The following TMEM235 variants were observed in gnomAD, a reference collection of about 807,000 sequenced individuals.
The protein encoded by TMEM235 is claudin-27.
A neutral mutation model predicts 22.9 loss-of-function variants in TMEM235; 23 were observed. The observed-to-expected ratio is 1.00, with a 90% CI of 0.72 to 1.42. TMEM235 has a LOEUF of 1.42. TMEM235 is among the 40% of genes most tolerant of loss of function. The pLI, the probability that TMEM235 is intolerant of heterozygous loss-of-function variation, is 0.00. For missense variants in TMEM235, 308 were observed against 299.5 expected (o/e 1.03, Z -0.21); for synonymous variants, 137 against 140.5 (o/e 0.98, Z 0.17).
exon 2 of TMEM235, chr17:78,232,201 C>T: frequency 6.7e-7 from 1 of 1,482,026 alleles, no homozygotes; most frequent in South Asian, 1.3e-5. Context: ...GGGGCTCTGG[C>T]GCATCTGCGA....
exon 6 of TMEM235, chr17:78,240,267 G>T: frequency 3.3e-6 from 1 of 305,470 alleles, no homozygotes; most frequent in South Asian, 3.9e-5. Flanking sequence ...TGCCTCAAAG[G>T]GGGCCTGGCT....
chr17:78,231,342 G>T lies in TMEM235; in HGVS notation c.-593+1G>T. The stretch of plus-strand genomic sequence containing the variant: ...AAGGTTCTTTCTGCCTGTTTTCTCC[G>T]TGAGTGACTGGACAGGCAGAGGCCG... On this transcript the variant is annotated splice_donor_variant, in intron 1 of 5. Transcript: ENST00000421688. LOFTEE classifies it low-confidence loss of function (5UTR_SPLICE). 5.1e-6 allele frequency: 6 copies of T among 1,172,394 alleles called. No homozygotes were observed. The highest frequency in any genetic ancestry group is 6.6e-6 in the Non-Finnish European group (6 of 905,074). 72.6% of individuals were successfully genotyped at this position (1,172,394 alleles called of 1,614,324 possible).
rs896396122 is a variant in TMEM235, at chr17:78,238,233, C to G, written c.410-791C>G. Among the ~76,000 whole-genome samples the G allele has an allele frequency of 6.6e-6, 1 of 152,236 alleles. No individual in the cohort carries two copies. Among genetic ancestry groups the G allele is most frequent in the Admixed American group, 6.5e-5 (1 of 15,286 alleles). Reference sequence around the variant, plus strand: ...CCCCTACCTAGCTCGTTGCTGGACCCTGAACTGCCGGATGAAGCCTGGTGC... The same window carrying G: ...CCCCTACCTAGCTCGTTGCTGGACCGTGAACTGCCGGATGAAGCCTGGTGC... On this transcript the variant is annotated intron_variant, in intron 4 of 5. Coordinates refer to ENST00000421688, the Ensembl canonical transcript of TMEM235. The surrounding 1 kb of genome is among the most constrained non-coding windows in gnomAD (Gnocchi z 4.3).
intron 4 of TMEM235, among the ~76,000 whole-genome samples, chr17:78,236,329 C>T (rs1016298145): frequency 6.6e-6 from 1 of 152,228 alleles, no homozygotes; most frequent in African/African-American, 2.4e-5. Context: ...ACAGATGAGG[C>T]AGGGCCAGGC....
chr17:78,238,585 T>TGTGTGTGTGTGAGA lies in TMEM235; in HGVS notation c.410-438_410-437insTGTGTGTGTGAGAG, dbSNP rs750495355. Among the ~76,000 whole-genome samples the TGTGTGTGTGTGAGA allele has an allele frequency of 7.0e-6, 1 of 142,914 alleles. No individual in the cohort carries two copies. The highest frequency in any genetic ancestry group is 2.7e-5 in the African/African-American group (1 of 37,340). The allele number at this position is 142,914 out of a possible 152,430, so 93.8% of individuals were successfully genotyped here. ...GTGTGTGTGTGTGTGTGTGTGTGTG[T>TGTGTGTGTGTGAGA]GAATGTGTGCAAATGTGTTCGTGTA... On this transcript the variant is annotated intron_variant, in intron 4 of 5. Transcript: ENST00000421688. This position sits in a 1 kb window ranked among gnomAD's most constrained non-coding sequence, Gnocchi z 4.3.
At chr17:78,234,412 G>A (rs2076619553) in intron 3 of TMEM235, 181 bp from the exon 3 acceptor site, 3 of 926,282 alleles carry the variant, frequency 3.2e-6, no homozygotes, top group Non-Finnish European at 1.7e-6. Context: ...CTCCCCTCCT[G>A]GCCTTAGGAA....
chr17:78,231,752 G>T (rs1032769405), exon 2 of TMEM235: 19 of 1,232,300 alleles, frequency 1.5e-5, no homozygotes, highest in Non-Finnish European at 1.9e-5. Context: ...GCTGGGATTG[G>T]AGCCCAAGCC....
chr17:78,238,550 C>CTGTGTGTGTGTGTG lies in TMEM235; in HGVS notation c.410-451_410-438dup, dbSNP rs55893266. 6.3e-4 allele frequency among the ~76,000 whole-genome samples: 87 copies of CTGTGTGTGTGTGTG among 138,322 alleles called. No homozygotes were observed. Among genetic ancestry groups the CTGTGTGTGTGTGTG allele is most frequent in the Non-Finnish European group, 1.1e-3 (73 of 63,852 alleles). The allele number at this position is 138,322 out of a possible 152,430, so 90.7% of individuals were successfully genotyped here. On this transcript the variant is annotated intron_variant, in intron 4 of 5. Coordinates refer to ENST00000421688, the Ensembl canonical transcript of TMEM235. The surrounding 1 kb of genome is among the most constrained non-coding windows in gnomAD (Gnocchi z 4.3). ...GCTGCTGCCAGCAGAGGCCATGGCT[C>CTGTGTGTGTGTGTG]TGTGTGTGTGTGTGTGTGTGTGTGT...
intron 4 of TMEM235, among the ~76,000 whole-genome samples, chr17:78,235,670 C>T (rs915416075): frequency 2.1e-5 from 3 of 142,288 alleles, no homozygotes; most frequent in East Asian, 2.1e-4. Context: ...GCGCAATCTT[C>T]GCTCACTGCA....
exon 2 of TMEM235, chr17:78,231,834 G>A (rs2076583023): frequency 4.2e-6 from 5 of 1,198,376 alleles, no homozygotes; most frequent in Non-Finnish European, 4.3e-6. Flanking sequence ...GCAGAGAGGT[G>A]GGGTCGATCT....
chr17:78,233,605 G>T (rs2076608017), intron 2 of TMEM235, among the ~76,000 whole-genome samples: 1 of 151,836 alleles, frequency 6.6e-6, no homozygotes, highest in South Asian at 2.1e-4. Flanking sequence ...TGAGGCAGGA[G>T]AATGGCGCGA....
exon 5 of TMEM235, chr17:78,239,096 A>G: frequency 1.3e-6 from 2 of 1,544,310 alleles, no homozygotes; most frequent in Non-Finnish European, 1.7e-6. Context: ...ACGGTGCAGC[A>G]GTATGGCCCG....
exon 2 of TMEM235, chr17:78,231,799 TC>T: frequency 8.2e-7 from 1 of 1,215,338 alleles, no homozygotes; most frequent in Non-Finnish European, 1.1e-6. Flanking sequence ...TCCTCTCCTT[TC>T]CCCCAGGGGC....
chr17:78,236,855 G>T (rs1171698000), intron 4 of TMEM235, among the ~76,000 whole-genome samples: 1 of 151,980 alleles, frequency 6.6e-6, no homozygotes, highest in Non-Finnish European at 1.5e-5. Context: ...TTGGTCACAG[G>T]CCACATGAGA....
chr17:78,232,597 C>T (rs2076595689), intron 2 of TMEM235, among the ~76,000 whole-genome samples: 1 of 152,232 alleles, frequency 6.6e-6, no homozygotes, highest in Admixed American at 6.5e-5. Flanking sequence ...CTGTCAGGCA[C>T]TGTCAGAGCT....
rs1233220671 is a variant in TMEM235, at chr17:78,238,113, C to T, written c.410-911C>T. On this transcript the variant is annotated intron_variant, in intron 4 of 5. Transcript: ENST00000421688. The surrounding 1 kb of genome is among the most constrained non-coding windows in gnomAD (Gnocchi z 4.3). ...ACAGTCGGCGCCAAGGACAGGCTTTCTCATCAGCCTGAAGCTGTGGGAAGG... is the reference window on the plus strand; with the variant it reads ...ACAGTCGGCGCCAAGGACAGGCTTTTTCATCAGCCTGAAGCTGTGGGAAGG... Among the ~76,000 whole-genome samples, 1 of 152,216 alleles carries T rather than the reference C, an allele frequency of 6.6e-6. No homozygotes were observed. The highest frequency in any genetic ancestry group is 1.5e-5 in the Non-Finnish European group (1 of 68,030).
exon 6 of TMEM235, chr17:78,240,037 GA>G (rs1245313641): frequency 2.0e-5 from 30 of 1,496,664 alleles, no homozygotes; most frequent in Non-Finnish European, 2.5e-5. Context: ...ACTTTTCACT[GA>G]GCACTTCCGG....
At chr17:78,233,783 C>T in intron 2 of TMEM235, 112 bp from the exon 2 acceptor site, 1 of 835,072 alleles carries the variant, frequency 1.2e-6, no homozygotes, top group Non-Finnish European at 1.9e-6. Context: ...TGAGTTTCAG[C>T]AGAAGAGAAG....
intron 4 of TMEM235, among the ~76,000 whole-genome samples, chr17:78,235,646 G>C (rs1156609252): frequency 7.1e-6 from 1 of 141,362 alleles, no homozygotes; most frequent in African/African-American, 2.6e-5. Context: ...TGTCTCCTAG[G>C]CTGGAGTGCA....
Sources: allele counts gnomAD v4.1 joint callset (sites outside exome capture counted in the v4.1 genomes callset), GRCh38; gene constraint gnomAD v4.1.1; non-coding constraint Gnocchi (gnomAD v3.1); transcripts MANE v1.5; gene names NCBI Gene and HGNC (gene_info 2026-07-23, HGNC 2026-07-21).